COQ2: variants seen among roughly 807,000 people sequenced by gnomAD.
The protein encoded by COQ2 is coenzyme Q2, polyprenyltransferase.
A neutral mutation model predicts 35.7 loss-of-function variants in COQ2; 25 were observed. The ratio of observed to expected loss-of-function variants is 0.70; its 90% CI spans 0.51 to 0.98. The LOEUF (loss-of-function observed/expected upper bound fraction) is 0.98, where lower values mean the gene tolerates loss of function less well. Among genes scored for constraint, COQ2 ranks in the 50% least tolerant of loss-of-function variants. COQ2 has a pLI of 0.00. For missense variants in COQ2, 488 were observed against 473.5 expected (o/e 1.03, Z -0.28); for synonymous variants, 206 against 186.2 (o/e 1.11, Z -0.86).
At chr4:83,284,942 C>A (rs1374326503), upstream of COQ2, 6 of 1,427,732 alleles carry the variant, frequency 4.2e-6, no homozygotes, top group Admixed American at 3.2e-5. Context: ...GGGAGGAATA[C>A]TTAATGAAAA....
At chr4:83,267,518 T>C in intron 6 of COQ2, 68 bp downstream of exon 6, 1 of 1,395,426 alleles carries the variant, frequency 7.2e-7, no homozygotes, top group Non-Finnish European at 9.7e-7. Flanking sequence ...ACAGAGGGCA[T>C]ACTGTTTAAA....
intron 1 of COQ2, chr4:83,282,581 A>T (rs1303972653): frequency 2.1e-6 from 2 of 931,704 alleles, no homozygotes; most frequent in African/African-American, 3.6e-5. Context: ...AACATACACA[A>T]TCTGTAAGTA....
At chr4:83,277,423 T>C (rs1398214242) in intron 2 of COQ2, among the ~76,000 whole-genome samples, 1 of 152,090 alleles carries the variant, frequency 6.6e-6, no homozygotes. Flanking sequence ...TAGCCCACTC[T>C]TTTTTTGCCA....
intron 4 of COQ2, among the ~76,000 whole-genome samples, chr4:83,270,883 A>G (rs1425718430): frequency 6.6e-6 from 1 of 152,222 alleles, no homozygotes; most frequent in Non-Finnish European, 1.5e-5. Context: ...TAAATATACC[A>G]GCTTCTTAAT....
In COQ2 at chr4:83,267,643, T is replaced by C. The variant is rs1227658361; in HGVS notation, c.894A>G (p.Gly298=). 6.3e-7 allele frequency: 1 copy of C among 1,582,240 alleles called. No homozygotes were observed. The highest frequency in any genetic ancestry group is 8.6e-7 in the Non-Finnish European group (1 of 1,164,266). Residue 298 remains glycine (G), a synonymous_variant, in exon 6 of 7, where the codon GGA becomes GGG. Coordinates refer to ENST00000647002, the MANE Select transcript of COQ2 (RefSeq NM_001358921.2). ...GALSLVGVNS[G]QTAPYYAALG... ...GGGCAGCGTAGTAGGGAGCAGTCTGTCCACTGTTCACACCCACTAGGCTCA... is the reference window on the plus strand; with the variant it reads ...GGGCAGCGTAGTAGGGAGCAGTCTGCCCACTGTTCACACCCACTAGGCTCA...
chr4:83,283,640 C>T (rs1171650092), intron 1 of COQ2: 3 of 985,312 alleles, frequency 3.0e-6, no homozygotes, highest in Non-Finnish European at 3.6e-6. Context: ...ACCAAATAGT[C>T]TTTTTCAACT....
intron 5 of COQ2, among the ~76,000 whole-genome samples, chr4:83,269,106 G>C (rs1734987623): frequency 6.6e-6 from 1 of 152,070 alleles, no homozygotes; most frequent in South Asian, 2.1e-4. Context: ...AATCCTTTAA[G>C]TCAATAATAC....
intron 2 of COQ2, among the ~76,000 whole-genome samples, chr4:83,275,118 T>C (rs1175549417): frequency 1.3e-5 from 2 of 152,262 alleles, no homozygotes; most frequent in African/African-American, 4.8e-5. Context: ...TAAAAATCTT[T>C]CTAAGAAATC....
chr4:83,265,390 C>T (rs893570923), intron 6 of COQ2, among the ~76,000 whole-genome samples: 1 of 152,016 alleles, frequency 6.6e-6, no homozygotes, highest in South Asian at 2.1e-4. Flanking sequence ...GCCAACATGG[C>T]GAAGCCCCGT....
intron 1 of COQ2, chr4:83,283,882 T>C (rs1488612857): frequency 3.0e-6 from 3 of 985,322 alleles, no homozygotes; most frequent in Non-Finnish European, 3.6e-6. Flanking sequence ...AATCTTTCTG[T>C]CGGGGGCGAT....
intron 1 of COQ2, 103 bp from the exon 2 acceptor site, chr4:83,279,217 CA>C: frequency 5.3e-6 from 7 of 1,318,244 alleles, no homozygotes; most frequent in Admixed American, 3.7e-5. Flanking sequence ...CACTATAAGT[CA>C]AAAAAACAAA....
upstream of COQ2, chr4:83,284,911 T>C: frequency 6.6e-7 from 1 of 1,510,208 alleles, no homozygotes; most frequent in Non-Finnish European, 8.8e-7. Context: ...GAAATTGGGG[T>C]CATCGTGGTC....
intron 3 of COQ2, 62 bp downstream of exon 3, chr4:83,273,434 T>C: frequency 6.7e-7 from 1 of 1,502,556 alleles, no homozygotes; most frequent in Non-Finnish European, 9.0e-7. Context: ...TTTCATTTTA[T>C]TCCTATTTTC....
Position 83,267,652 on chromosome 4 carries a change from C to G in COQ2, c.885G>C (p.Val295=). The G allele has an allele frequency of 6.3e-7, 1 of 1,578,976 alleles. No homozygotes were observed. The highest frequency in any genetic ancestry group is 8.6e-7 in the Non-Finnish European group (1 of 1,162,568). ...AGTAGGGAGCAGTCTGTCCACTGTTCACACCCACTAGGCTCAGTGCCCCCA... is the reference window on the plus strand; with the variant it reads ...AGTAGGGAGCAGTCTGTCCACTGTTGACACCCACTAGGCTCAGTGCCCCCA... ...AMLGALSLVG[V]NSGQTAPYYA... The change falls in exon 6 of 7, where the codon GTG becomes GTC. Residue 295 remains valine, a synonymous_variant. Transcript: ENST00000647002.
intron 4 of COQ2, among the ~76,000 whole-genome samples, chr4:83,270,292 A>G (rs1228518329): frequency 6.6e-6 from 1 of 152,322 alleles, no homozygotes; most frequent in East Asian, 1.9e-4. Flanking sequence ...TATCCCACCT[A>G]ATATGGTGCA....
At chr4:83,276,511 C>T (rs891647275) in intron 2 of COQ2, among the ~76,000 whole-genome samples, 1 of 152,164 alleles carries the variant, frequency 6.6e-6, no homozygotes, top group African/African-American at 2.4e-5. Flanking sequence ...ATACCATCTT[C>T]TACGCCAGTC....
At chr4:83,273,955 G>A (rs1280714480) in intron 2 of COQ2, among the ~76,000 whole-genome samples, 2 of 125,356 alleles carry the variant, frequency 1.6e-5, no homozygotes, top group Non-Finnish European at 3.2e-5. Flanking sequence ...ACCAGACTAG[G>A]CAACATAAGG....
chr4:83,284,661 G>C lies in COQ2; in HGVS notation c.104C>G (p.Ala35Gly), dbSNP rs1359732289. 7.6e-6 allele frequency: 11 copies of C among 1,450,206 alleles called. No individual in the cohort carries two copies. In the Admixed American group the frequency reaches 2.8e-4, roughly 37 times the overall value. The allele number at this position is 1,450,206 out of a possible 1,614,324, so 89.8% of individuals were successfully genotyped here. A position where few individuals can be genotyped will look rare whatever the true frequency, so the allele number is the denominator to read the frequency against. The change falls in exon 1 of 7, where the codon GCA (alanine) becomes GGA (glycine). Residue 35 changes from alanine to glycine, a missense_variant. Transcript: ENST00000647002. ...RGRSFALARAAGAPHGGDLQP... is the reference protein window; with the variant it reads ...RGRSFALARAGGAPHGGDLQP... ...CAAGTCACCACCGTGGGGCGCGCCT[G>C]CCGCACGCGCCAGGGCGAAGGAGCG...
At chr4:83,267,443 C>A (rs545381425) in intron 6 of COQ2, 143 bp downstream of exon 6, 8 of 665,072 alleles carry the variant, frequency 1.2e-5, no homozygotes, top group African/African-American at 1.1e-4. Flanking sequence ...GGCCGGAGGG[C>A]AGGGGGGTCT....
Sources: allele counts gnomAD v4.1 joint callset (sites outside exome capture counted in the v4.1 genomes callset), GRCh38; gene constraint gnomAD v4.1.1; transcripts MANE v1.5; gene names NCBI Gene and HGNC (gene_info 2026-07-23, HGNC 2026-07-21).